CFAP299: variants seen among roughly 807,000 people sequenced by gnomAD.
CFAP299 encodes the protein cilia- and flagella-associated protein 299.
A neutral mutation model predicts 27.0 loss-of-function variants in CFAP299; 21 were observed. The ratio of observed to expected loss-of-function variants is 0.78; its 90% CI spans 0.55 to 1.12. The LOEUF is 1.12. CFAP299 is among the 50% of genes most tolerant of loss of function. The pLI, the probability that CFAP299 is intolerant of heterozygous loss-of-function variation, is 0.00. For missense variants in CFAP299, 310 were observed against 276.6 expected (o/e 1.12, Z -0.86); for synonymous variants, 104 against 98.1 (o/e 1.06, Z -0.36).
chr4:80,796,801 G>T (rs1727890355), intron 3 of CFAP299, among the ~76,000 whole-genome samples: 1 of 152,106 alleles, frequency 6.6e-6, no homozygotes, highest in African/African-American at 2.4e-5. Flanking sequence ...TATTGTTTTT[G>T]ATTTACTATT....
At chr4:80,424,285 G>A (rs1005645486) in intron 2 of CFAP299, among the ~76,000 whole-genome samples, 6 of 152,190 alleles carry the variant, frequency 3.9e-5, no homozygotes, top group Non-Finnish European at 7.3e-5. Context: ...AGCATTAAAA[G>A]GGATCACATT....
chr4:80,864,699 T>C (rs180989278), intron 3 of CFAP299, among the ~76,000 whole-genome samples: 3 of 151,802 alleles, frequency 2.0e-5, no homozygotes, highest in East Asian at 1.9e-4. Context: ...AATTCTGATA[T>C]GATTATTCCA....
At chr4:80,835,943 G>A (rs777506204) in intron 3 of CFAP299, among the ~76,000 whole-genome samples, 4 of 152,182 alleles carry the variant, frequency 2.6e-5, no homozygotes, top group Non-Finnish European at 5.9e-5. Context: ...TGAAAGAGAT[G>A]AGTGCAAAGT....
In CFAP299 at chr4:80,928,973, T is replaced by C. The variant is rs374690395; in HGVS notation, c.477-15837T>C. Among the ~76,000 whole-genome samples, 29 of 152,304 alleles carry C rather than the reference T, an allele frequency of 1.9e-4. No homozygotes were observed. In the East Asian group the frequency reaches 4.6e-3, roughly 24 times the overall value. On this transcript the variant is annotated intron_variant, in intron 4 of 5. Transcript: ENST00000358105. ...CTCAGGACCTTACACATTTCTTCAATGATGATGTTCCATAAAGTCTCTTCA... is the reference window on the plus strand; with the variant it reads ...CTCAGGACCTTACACATTTCTTCAACGATGATGTTCCATAAAGTCTCTTCA...
At chr4:80,617,596 T>C (rs1026648304) in intron 3 of CFAP299, among the ~76,000 whole-genome samples, 5 of 151,954 alleles carry the variant, frequency 3.3e-5, no homozygotes, top group Non-Finnish European at 5.9e-5. Flanking sequence ...CACTTCACAA[T>C]AGAAAAAAAA....
At chr4:80,883,732 A>C (rs76004497) in intron 4 of CFAP299, among the ~76,000 whole-genome samples, 5,569 of 152,298 alleles carry the variant, frequency 0.037, 245 homozygotes, top group African/African-American at 0.11. Flanking sequence ...AAGAGGATAT[A>C]ATTTTTTAAA....
rs1183013949 is a variant in CFAP299, at chr4:80,540,232, G to T, written c.243-42861G>T. On this transcript the variant is annotated intron_variant, in intron 2 of 5. Transcript: ENST00000358105. ...GTAGATTCTGTTGTTTAAGAACATT[G>T]AGGTATGCAGTGAATTTCTGGAGTC... is the stretch of plus-strand genomic sequence containing the variant. Among the ~76,000 whole-genome samples, 3 of 152,154 alleles carry T rather than the reference G, an allele frequency of 2.0e-5. No homozygotes were observed. The South Asian group carries it at 6.2e-4, about 32-fold the overall frequency.
At chr4:80,898,591 T>C (rs1482193644) in intron 4 of CFAP299, among the ~76,000 whole-genome samples, 2 of 151,904 alleles carry the variant, frequency 1.3e-5, no homozygotes, top group East Asian at 3.9e-4. Flanking sequence ...GGTGGGTCCC[T>C]AGCTGGGGAC....
Position 80,583,196 on chromosome 4 carries a change from C to T in CFAP299, c.333+13C>T, listed in dbSNP as rs564286336. ...TGGAAAACTGAGTGTAAGTACATTT[C>T]ATCCAACAGCTTAAAATGTATACAC... On this transcript the variant is annotated intron_variant, in intron 3 of 5. Coordinates refer to ENST00000358105, the MANE Select transcript of CFAP299 (RefSeq NM_152770.3). The T allele has an allele frequency of 7.9e-6, 12 of 1,528,202 alleles. No homozygotes were observed. The highest frequency in any genetic ancestry group is 1.7e-4 in the Middle Eastern group (1 of 5,868). 94.7% of individuals were successfully genotyped at this position (1,528,202 alleles called of 1,614,324 possible).
intron 3 of CFAP299, among the ~76,000 whole-genome samples, chr4:80,861,150 A>G (rs1455450422): frequency 6.6e-6 from 1 of 152,118 alleles, no homozygotes; most frequent in Non-Finnish European, 1.5e-5. Context: ...GCCACCTTGC[A>G]GTTTGATCTC....
chr4:80,748,877 G>A (rs1724765297), intron 3 of CFAP299, among the ~76,000 whole-genome samples: 1 of 152,094 alleles, frequency 6.6e-6, no homozygotes, highest in Non-Finnish European at 1.5e-5. Context: ...ACAATTGACA[G>A]GGTTTATATT....
chr4:80,369,716 C>A (rs1318421427), intron 2 of CFAP299, among the ~76,000 whole-genome samples: 1 of 152,228 alleles, frequency 6.6e-6, no homozygotes, highest in Non-Finnish European at 1.5e-5. Flanking sequence ...GCCTAAGTGG[C>A]AGCCATAGCT....
At chr4:80,325,823 A>G in the CFAP299 span, among the ~76,000 whole-genome samples, 3 of 152,342 alleles carry the variant, frequency 2.0e-5, no homozygotes, top group South Asian at 6.2e-4. Flanking sequence ...AGGAAAGAGT[A>G]TCTTCTCATA....
chr4:80,570,437 T>C (rs1160169355), intron 2 of CFAP299, among the ~76,000 whole-genome samples: 1 of 151,842 alleles, frequency 6.6e-6, no homozygotes, highest in African/African-American at 2.4e-5. Context: ...ACAATATAAA[T>C]AACAATAATA....
intron 2 of CFAP299, among the ~76,000 whole-genome samples, chr4:80,457,323 G>T (rs1252196026): frequency 1.3e-5 from 2 of 152,138 alleles, no homozygotes; most frequent in Admixed American, 1.3e-4. Context: ...AGCCATGTTG[G>T]AAAGTTATTT....
chr4:80,820,074 C>T (rs1391132400), intron 3 of CFAP299, among the ~76,000 whole-genome samples: 2 of 152,094 alleles, frequency 1.3e-5, no homozygotes, highest in Non-Finnish European at 2.9e-5. Context: ...TATTGCTTTC[C>T]TTCACTTCTG....
intron 2 of CFAP299, among the ~76,000 whole-genome samples, chr4:80,406,624 T>C (rs1016429640): frequency 6.6e-6 from 1 of 152,074 alleles, no homozygotes; most frequent in Admixed American, 6.6e-5. Flanking sequence ...TCTTAGTTAG[T>C]CTCCCAAAGC....
intron 2 of CFAP299, among the ~76,000 whole-genome samples, chr4:80,439,049 C>T (rs1728225068): frequency 6.6e-6 from 1 of 151,992 alleles, no homozygotes; most frequent in Non-Finnish European, 1.5e-5. Flanking sequence ...TGTAGTTTTC[C>T]AGTCCAATTT....
chr4:80,944,964 A>C (rs768032524), intron 5 of CFAP299, 25 bp downstream of exon 5: 1 of 1,598,606 alleles, frequency 6.3e-7, no homozygotes, highest in East Asian at 2.2e-5. Context: ...ACACTTAGTT[A>C]GTTACCTCTT....
Sources: allele counts gnomAD v4.1 joint callset (sites outside exome capture counted in the v4.1 genomes callset), GRCh38; gene constraint gnomAD v4.1.1; transcripts MANE v1.5; gene names NCBI Gene and HGNC (gene_info 2026-07-23, HGNC 2026-07-21).